The following SLC4A4 variants were observed in gnomAD, a reference collection of about 807,000 sequenced individuals.
SLC4A4 encodes the protein electrogenic sodium bicarbonate cotransporter 1.
Under a neutral mutation model 111.5 loss-of-function variants are expected in SLC4A4, and 27 were observed. The observed-to-expected ratio is 0.24, with a 90% CI of 0.18 to 0.33. SLC4A4 has a LOEUF of 0.33. Ranked by LOEUF, SLC4A4 falls within the 10% of genes least tolerant of loss-of-function variation. The probability of loss-of-function intolerance (pLI) is 1.00; values close to 1 mark genes in which losing one functional copy is unlikely to be tolerated. For missense variants in SLC4A4, 909 were observed against 1,315.5 expected (o/e 0.69, Z 4.78); for synonymous variants, 443 against 463.4 (o/e 0.96, Z 0.57).
At chr4:71,367,711 A>G (rs1330208479) in intron 6 of SLC4A4, among the ~76,000 whole-genome samples, 1 of 152,214 alleles carries the variant, frequency 6.6e-6, no homozygotes, top group Non-Finnish European at 1.5e-5. Context: ...TCAGATTGCA[A>G]AGAGAAGACA....
chr4:71,140,439 C>T (rs1318797181), intron 2 of SLC4A4, among the ~76,000 whole-genome samples: 3 of 152,070 alleles, frequency 2.0e-5, no homozygotes, highest in African/African-American at 7.3e-5. Context: ...AACAAACAAA[C>T]AAAACCTCTG....
intron 3 of SLC4A4, among the ~76,000 whole-genome samples, chr4:71,257,345 G>A (rs762230742): frequency 1.3e-5 from 2 of 152,154 alleles, no homozygotes; most frequent in Non-Finnish European, 2.9e-5. Context: ...GCATTTTACC[G>A]TTTTGTTCCT....
At chr4:71,460,522 G>C (rs1192590251) in intron 12 of SLC4A4, among the ~76,000 whole-genome samples, 3 of 152,168 alleles carry the variant, frequency 2.0e-5, no homozygotes, top group Non-Finnish European at 4.4e-5. Context: ...ATTTCCTGCT[G>C]GGCATTGTAA....
At chr4:71,327,494 T>C (rs556209785) in intron 3 of SLC4A4, among the ~76,000 whole-genome samples, 1 of 152,122 alleles carries the variant, frequency 6.6e-6, no homozygotes, top group East Asian at 1.9e-4. Flanking sequence ...GCATTTTCCC[T>C]GTCTATAAGA....
chr4:71,218,578 T>A (rs1239712318), intron 1 of SLC4A4, among the ~76,000 whole-genome samples: 2 of 152,178 alleles, frequency 1.3e-5, no homozygotes, highest in Non-Finnish European at 2.9e-5. Context: ...CCTAAAACAG[T>A]ACTATTAGCA....
chr4:71,259,150 T>C (rs1191976238), intron 3 of SLC4A4, among the ~76,000 whole-genome samples: 1 of 152,120 alleles, frequency 6.6e-6, no homozygotes, highest in African/African-American at 2.4e-5. Flanking sequence ...TACAAAAACA[T>C]GAAAGGGCAT....
intron 2 of SLC4A4, among the ~76,000 whole-genome samples, chr4:71,154,514 A>T (rs1744407257): frequency 6.6e-6 from 1 of 152,066 alleles, no homozygotes; most frequent in Non-Finnish European, 1.5e-5. Context: ...GGATGCAGTA[A>T]AGAATTACCT....
chr4:71,227,166 G>A (rs1262867876), intron 1 of SLC4A4, among the ~76,000 whole-genome samples: 1 of 152,118 alleles, frequency 6.6e-6, no homozygotes, highest in Non-Finnish European at 1.5e-5. Flanking sequence ...AGAGGCTTCT[G>A]GAGAGGTTGG....
chr4:71,447,838 A>G, intron 9 of SLC4A4, 105 bp downstream of exon 9: 1 of 778,308 alleles, frequency 1.3e-6, no homozygotes, highest in South Asian at 1.4e-5. Context: ...TGGTTACTAG[A>G]CTTCCTTATA....
chr4:71,418,332 T>C lies in SLC4A4; in HGVS notation c.807+20679T>C, dbSNP rs138854720. Among the ~76,000 whole-genome samples the C allele has an allele frequency of 2.2e-3, 331 of 152,338 alleles. 2 individuals are homozygous for C. The highest frequency in any genetic ancestry group is 7.5e-3 in the African/African-American group (313 of 41,580). On this transcript the variant is annotated intron_variant, in intron 7 of 25. Coordinates refer to ENST00000264485, the MANE Select transcript of SLC4A4 (RefSeq NM_001098484.3). ...CATTGTTTTCATTTTGAAGTAGTGT[T>C]TTTTGGAAATGGAGTAAACACAAGT...
chr4:71,440,876 C>T, intron 8 of SLC4A4, 103 bp downstream of exon 8: 3 of 1,312,970 alleles, frequency 2.3e-6, no homozygotes, highest in Non-Finnish European at 3.3e-6. Context: ...AGTGCAAACA[C>T]ATTGGAGAGG....
At chr4:71,267,810 A>G (rs1560829840) in intron 3 of SLC4A4, among the ~76,000 whole-genome samples, 1 of 150,464 alleles carries the variant, frequency 6.6e-6, no homozygotes, top group African/African-American at 2.4e-5. Context: ...AAAAAAAAAA[A>G]AAAAAAAAGA....
At chr4:71,403,161 A>G (rs1218639618) in intron 7 of SLC4A4, among the ~76,000 whole-genome samples, 2 of 152,188 alleles carry the variant, frequency 1.3e-5, no homozygotes, top group Non-Finnish European at 2.9e-5. Context: ...TGTATGAAGT[A>G]AACTGAACTC....
At chr4:71,111,524 G>GTTTTTTT (rs150777420) in intron 2 of SLC4A4, among the ~76,000 whole-genome samples, 6 of 60,818 alleles carry the variant, frequency 9.9e-5, no homozygotes, top group Non-Finnish European at 1.7e-4. Flanking sequence ...CCACGCTCAG[G>GTTTTTTT]TTTTTTTTTT....
At chr4:71,542,959 G>C (rs1303814137) in intron 18 of SLC4A4, among the ~76,000 whole-genome samples, 1 of 152,092 alleles carries the variant, frequency 6.6e-6, no homozygotes, top group African/African-American at 2.4e-5. Flanking sequence ...TGTGCCAAGT[G>C]CTAGTTTGGT....
chr4:71,086,980 G>A (rs1742197430), intron 1 of SLC4A4, among the ~76,000 whole-genome samples: 1 of 152,022 alleles, frequency 6.6e-6, no homozygotes, highest in African/African-American at 2.4e-5. Context: ...AGAAGGAATG[G>A]TACCAGCTCC....
intron 24 of SLC4A4, among the ~76,000 whole-genome samples, chr4:71,564,619 A>G (rs1737302175): frequency 6.6e-6 from 1 of 151,892 alleles, no homozygotes; most frequent in African/African-American, 2.4e-5. Context: ...CCATCAAGCT[A>G]CTTTCTACTT....
In SLC4A4 at chr4:71,465,013, G is replaced by C. The variant is rs61514935; in HGVS notation, c.1498-1431G>C. ...GAGAACTTTTGGGACAGTGGTAAGA[G>C]GTGGCCTAGTGAGGCTGACAGATGG... On this transcript the variant is annotated intron_variant, in intron 12 of 25. Coordinates refer to ENST00000264485, the MANE Select transcript of SLC4A4 (RefSeq NM_001098484.3). Among the ~76,000 whole-genome samples, 1,136 of 152,214 alleles carry C rather than the reference G, an allele frequency of 7.5e-3. 16 individuals carry two copies. The highest frequency in any genetic ancestry group is 0.024 in the African/African-American group (1,000 of 41,544).
chr4:71,552,917 C>T (rs1736158397), intron 20 of SLC4A4, among the ~76,000 whole-genome samples: 3 of 151,780 alleles, frequency 2.0e-5, no homozygotes, highest in African/African-American at 7.3e-5. Context: ...TCTTCTCTTT[C>T]CTCCTTTGAG....
Sources: gnomAD v4.1 joint callset for allele counts (sites outside exome capture counted in the v4.1 genomes callset) on GRCh38, gnomAD v4.1.1 for gene constraint, MANE v1.5 for transcripts, NCBI Gene and HGNC (gene_info 2026-07-23, HGNC 2026-07-21) for gene names.